Variants in SEMA3A observed in about 807,000 individuals in gnomAD.
SEMA3A encodes semaphorin-3A.
A neutral mutation model predicts 97.9 loss-of-function variants in SEMA3A; 29 were observed. The observed-to-expected ratio is 0.30, with a 90% CI of 0.22 to 0.40. SEMA3A has a LOEUF of 0.40. Ranked by LOEUF, SEMA3A falls within the 10% of genes least tolerant of loss-of-function variation. The pLI is 1.00. For synonymous variants in SEMA3A, 321 were observed against 323.7 expected (o/e 0.99, Z 0.09); for missense variants, 763 against 951.3 (o/e 0.80, Z 2.60).
chr7:84,037,630 T>G (rs1296699354), intron 6 of SEMA3A, among the ~76,000 whole-genome samples: 1 of 152,124 alleles, frequency 6.6e-6, no homozygotes, highest in Non-Finnish European at 1.5e-5. Context: ...AATTAAAATT[T>G]AGCAAATCTT....
chr7:84,469,608 A>T (rs1031730316), intron 1 of SEMA3A, among the ~76,000 whole-genome samples: 1 of 152,098 alleles, frequency 6.6e-6, no homozygotes, highest in Non-Finnish European at 1.5e-5. Flanking sequence ...GATCATTAAG[A>T]TTTTTTCTGT....
At chr7:84,072,818 A>G (rs932131834) in intron 4 of SEMA3A, among the ~76,000 whole-genome samples, 2 of 152,150 alleles carry the variant, frequency 1.3e-5, no homozygotes, top group Non-Finnish European at 2.9e-5. Context: ...AAGTGTTAAC[A>G]TTGCCTTAAA....
At chr7:84,223,851 G>A (rs77971621) in intron 3 of SEMA3A, among the ~76,000 whole-genome samples, 3,618 of 151,766 alleles carry the variant, frequency 0.024, 137 homozygotes, top group African/African-American at 0.081. Context: ...GAGTTCACCA[G>A]GAGAAAACCT....
rs752701906 is a variant in SEMA3A at position 84,058,376 on chromosome 7, T to C, written c.547+2089A>G. ...TGGGAAGTGCTGTAGAAAATATTTA[T>C]GTTAAAAAGCTCCATTAAACTAGTG... On this transcript the variant is annotated intron_variant, in intron 5 of 16. Coordinates refer to ENST00000265362, the MANE Select transcript of SEMA3A (RefSeq NM_006080.3). Among the ~76,000 whole-genome samples, 3 of 152,200 alleles carry C rather than the reference T, an allele frequency of 2.0e-5. No individual in the cohort carries two copies. The South Asian group carries it at 6.2e-4, about 31-fold the overall frequency.
chr7:83,986,995 C>T (rs1314147116), intron 12 of SEMA3A, among the ~76,000 whole-genome samples: 4 of 151,820 alleles, frequency 2.6e-5, no homozygotes, highest in African/African-American at 7.2e-5. Context: ...CACACCCACA[C>T]GCACACACAC....
At chr7:84,119,429 A>C (rs541259384) in intron 3 of SEMA3A, among the ~76,000 whole-genome samples, 61 of 152,294 alleles carry the variant, frequency 4.0e-4, no homozygotes, top group Non-Finnish European at 7.5e-4. Context: ...ACCAACTAAA[A>C]AGTCCAAAAG....
intron 4 of SEMA3A, 48 bp downstream of exon 4, chr7:84,110,422 A>G (rs201012496): frequency 6.2e-6 from 10 of 1,603,110 alleles, no homozygotes; most frequent in Non-Finnish European, 7.7e-6. Flanking sequence ...AGCATTTTGA[A>G]TAGAAAGGGG....
intron 1 of SEMA3A, among the ~76,000 whole-genome samples, chr7:84,450,499 G>A (rs955967134): frequency 6.6e-6 from 1 of 152,192 alleles, no homozygotes; most frequent in Non-Finnish European, 1.5e-5. Flanking sequence ...TTAGTGCTTT[G>A]AGGAACACTC....
At chr7:84,358,328 G>A (rs1802623893) in intron 2 of SEMA3A, among the ~76,000 whole-genome samples, 2 of 152,276 alleles carry the variant, frequency 1.3e-5, no homozygotes, top group Admixed American at 1.3e-4. Flanking sequence ...GTGTAAGGAA[G>A]GGATCCAGTG....
intron 3 of SEMA3A, among the ~76,000 whole-genome samples, chr7:84,208,529 A>G (rs1200546785): frequency 3.3e-5 from 5 of 152,220 alleles, no homozygotes; most frequent in Non-Finnish European, 7.3e-5. Flanking sequence ...GCAATGTAAG[A>G]CTAGCCTTTT....
chr7:84,069,498 A>C (rs1037294947), intron 4 of SEMA3A, among the ~76,000 whole-genome samples: 2 of 152,146 alleles, frequency 1.3e-5, no homozygotes, highest in Non-Finnish European at 2.9e-5. Flanking sequence ...CTATATTTTT[A>C]TCAGGCAAAA....
chr7:84,424,996 T>A (rs1411370430), intron 1 of SEMA3A, among the ~76,000 whole-genome samples: 43 of 103,694 alleles, frequency 4.1e-4, no homozygotes, highest in African/African-American at 1.6e-3. Flanking sequence ...ATTATATTTT[T>A]ATTTATTTAT....
chr7:84,302,311 T>C (rs1031181739), intron 3 of SEMA3A, among the ~76,000 whole-genome samples: 1 of 152,172 alleles, frequency 6.6e-6, no homozygotes, highest in African/African-American at 2.4e-5. Flanking sequence ...TTAAAGGATA[T>C]ACACTTCATT....
intron 3 of SEMA3A, among the ~76,000 whole-genome samples, chr7:84,254,658 A>T (rs1194238887): frequency 1.3e-5 from 2 of 152,060 alleles, no homozygotes; most frequent in African/African-American, 2.4e-5. Context: ...AATGATTATA[A>T]AGTACACATA....
chr7:84,005,460 C>G lies in SEMA3A; in HGVS notation c.1239G>C (p.Val413=). ...ARSHPAMYNP[V]FPMNNRPIVI... ...CTATTGGGCGATTGTTCATAGGAAACACTGGATTGTACATGGCTGGATGAC... is the reference window on the plus strand; with the variant it reads ...CTATTGGGCGATTGTTCATAGGAAAGACTGGATTGTACATGGCTGGATGAC... Residue 413 remains valine (V), a synonymous_variant, in exon 11 of 17, where the codon GTG becomes GTC. Coordinates refer to ENST00000265362, the MANE Select transcript of SEMA3A (RefSeq NM_006080.3). 1 of 1,613,802 alleles carries G rather than the reference C, an allele frequency of 6.2e-7. No homozygotes were observed. Among genetic ancestry groups the G allele is most frequent in the Non-Finnish European group, 8.5e-7 (1 of 1,179,788 alleles).
intron 15 of SEMA3A, among the ~76,000 whole-genome samples, chr7:83,972,170 T>C (rs1788947437): frequency 6.6e-6 from 1 of 152,022 alleles, no homozygotes; most frequent in South Asian, 2.1e-4. Flanking sequence ...AAATATTTTT[T>C]GCAGTAGAGT....
At chr7:84,488,041 G>C (rs149549086) in intron 1 of SEMA3A, among the ~76,000 whole-genome samples, 198 of 151,930 alleles carry the variant, frequency 1.3e-3, no homozygotes, top group African/African-American at 4.6e-3. Context: ...TAATAATATG[G>C]ACTGTTAAAA....
intron 1 of SEMA3A, among the ~76,000 whole-genome samples, chr7:84,432,446 T>C (rs909970580): frequency 2.0e-5 from 3 of 152,184 alleles, no homozygotes; most frequent in Non-Finnish European, 4.4e-5. Flanking sequence ...TACATTGGTA[T>C]ATTCCAAGAT....
chr7:84,101,451 A>G (rs1415275083), intron 4 of SEMA3A, among the ~76,000 whole-genome samples: 3 of 152,200 alleles, frequency 2.0e-5, no homozygotes, highest in African/African-American at 7.2e-5. Context: ...AGTTTTCACC[A>G]TAAAATGATC....
Sources: gnomAD v4.1 joint callset for allele counts (sites outside exome capture counted in the v4.1 genomes callset) on GRCh38, gnomAD v4.1.1 for gene constraint, MANE v1.5 for transcripts, NCBI Gene and HGNC (gene_info 2026-07-23, HGNC 2026-07-21) for gene names.